GCSH: variants seen among roughly 807,000 people sequenced by gnomAD.
GCSH encodes the protein glycine cleavage system H protein, mitochondrial.
In GCSH, 15 loss-of-function variants were observed where a neutral mutation model predicts 21.3. The ratio of observed to expected loss-of-function variants is 0.70; its 90% confidence interval spans 0.47 to 1.08. The LOEUF (loss-of-function observed/expected upper bound fraction) is 1.08. GCSH is among the 50% of genes least tolerant of loss of function. GCSH has a pLI of 0.00. For missense variants in GCSH, 179 were observed against 217.5 expected (o/e 0.82, Z 1.11); for synonymous variants, 59 against 84.5 (o/e 0.70, Z 1.66).
chr16:81,091,108 C>A (rs891538938), intron 1 of GCSH: 6 of 451,684 alleles, frequency 1.3e-5, no homozygotes, highest in Middle Eastern at 3.8e-4. Context: ...ATGATTTAAC[C>A]TAAAAAAAAA....
intron 1 of GCSH, among the ~76,000 whole-genome samples, chr16:81,095,634 C>CCTCCCAAAGTGCTGGG (rs1972490007): frequency 8.5e-5 from 1 of 11,708 alleles, no homozygotes; most frequent in African/African-American, 1.5e-4. Flanking sequence ...CGCCCTCCGG[C>CCTCCCAAAGTGCTGGG]ATGAGCCAAC....
chr16:81,089,459 C>T (rs1972352809), intron 2 of GCSH, among the ~76,000 whole-genome samples: 1 of 152,124 alleles, frequency 6.6e-6, no homozygotes, highest in Admixed American at 6.6e-5. Flanking sequence ...TTACGATTGC[C>T]TACAGTATTC....
intron 4 of GCSH, chr16:81,083,309 G>T (rs370168731): frequency 9.4e-6 from 3 of 318,670 alleles, no homozygotes; most frequent in African/African-American, 4.4e-5. Context: ...CTTGAGGCTA[G>T]GAGCTCTAGA....
At chr16:81,090,566 C>A in intron 2 of GCSH, 35 bp downstream of exon 2, 1 of 1,342,664 alleles carries the variant, frequency 7.4e-7, no homozygotes, top group Non-Finnish European at 1.1e-6. Context: ...CATGCAAGAG[C>A]ACACTGGGAC....
chr16:81,095,506 C>T (rs1169263510), intron 1 of GCSH, among the ~76,000 whole-genome samples: 1 of 151,912 alleles, frequency 6.6e-6, no homozygotes, highest in East Asian at 1.9e-4. Context: ...CCTCAGCCTC[C>T]CGAGTAGCTG....
At chr16:81,086,505 C>CG in intron 3 of GCSH, among the ~76,000 whole-genome samples, 1 of 152,012 alleles carries the variant, frequency 6.6e-6, no homozygotes, top group East Asian at 1.9e-4. Flanking sequence ...TGCAGTGAGC[C>CG]AATGTCGCAC....
chr16:81,084,284 T>C, intron 4 of GCSH, 179 bp downstream of exon 4: 1 of 670,424 alleles, frequency 1.5e-6, no homozygotes, highest in Non-Finnish European at 2.7e-6. Context: ...TAGCCAGAAA[T>C]CTTAAACATA....
chr16:81,083,730 C>T (rs1367018548), intron 4 of GCSH: 1 of 152,302 alleles, frequency 6.6e-6, no homozygotes, highest in African/African-American at 2.4e-5. Context: ...CCTTTGGAGC[C>T]TCTATTCATC....
intron 1 of GCSH, chr16:81,091,130 T>C (rs916905697): frequency 8.9e-6 from 4 of 451,580 alleles, no homozygotes; most frequent in Admixed American, 2.4e-5. Flanking sequence ...ATAACAGTAA[T>C]AATCAGGTGC....
At chr16:81,095,101 G>GA (rs56957840) in intron 1 of GCSH, among the ~76,000 whole-genome samples, 6 of 144,884 alleles carry the variant, frequency 4.1e-5, no homozygotes, top group African/African-American at 1.0e-4. Context: ...TCAATAAAAA[G>GA]AAAAAAAAAA....
At chr16:81,095,705 C>G (rs1972491677) in intron 1 of GCSH, among the ~76,000 whole-genome samples, 1 of 152,168 alleles carries the variant, frequency 6.6e-6, no homozygotes, top group South Asian at 2.1e-4. Flanking sequence ...CTTCGGAGTT[C>G]TCAGTAACGG....
chr16:81,086,201 A>AAAAAAAAAAAAAAAAAC (rs1972272904), intron 3 of GCSH, among the ~76,000 whole-genome samples: 1 of 148,102 alleles, frequency 6.8e-6, no homozygotes, highest in African/African-American at 2.5e-5. Flanking sequence ...AAAAAAAAAA[A>AAAAAAAAAAAAAAAAAC]AAAAAAAAAA....
intron 1 of GCSH, 128 bp downstream of exon 1, chr16:81,096,003 C>G: frequency 6.7e-6 from 5 of 748,368 alleles, no homozygotes; most frequent in Non-Finnish European, 9.1e-6. Flanking sequence ...AAGAAGGGGG[C>G]AGGGTCCGCG....
chr16:81,095,185 T>A (rs929230322), intron 1 of GCSH, among the ~76,000 whole-genome samples: 5 of 151,960 alleles, frequency 3.3e-5, no homozygotes, highest in Non-Finnish European at 4.4e-5. Context: ...CATGGGCAGG[T>A]TTCCCAGTTA....
intron 3 of GCSH, among the ~76,000 whole-genome samples, chr16:81,087,031 A>C (rs1972294378): frequency 6.6e-6 from 1 of 152,190 alleles, no homozygotes; most frequent in Admixed American, 6.5e-5. Context: ...CATTAGTTTA[A>C]GGATATTATC....
intron 1 of GCSH, among the ~76,000 whole-genome samples, chr16:81,093,301 G>C (rs1170758443): frequency 6.6e-6 from 1 of 152,222 alleles, no homozygotes; most frequent in Middle Eastern, 3.4e-3. Flanking sequence ...CCTTTTCAAA[G>C]TAAGCACTGG....
At chr16:81,091,855 A>C (rs1555529858) in intron 1 of GCSH, among the ~76,000 whole-genome samples, 1 of 152,044 alleles carries the variant, frequency 6.6e-6, no homozygotes, top group Non-Finnish European at 1.5e-5. Context: ...TCCTGAGCTC[A>C]TGATCCTCCC....
intron 2 of GCSH, among the ~76,000 whole-genome samples, chr16:81,088,196 G>T (rs1972323081): frequency 6.6e-6 from 1 of 152,134 alleles, no homozygotes; most frequent in South Asian, 2.1e-4. Context: ...GGCAGAGGTG[G>T]GAGGATAGCT....
chr16:81,091,707 A>C (rs1418097778), intron 1 of GCSH, among the ~76,000 whole-genome samples: 1 of 152,202 alleles, frequency 6.6e-6, no homozygotes, highest in Non-Finnish European at 1.5e-5. Context: ...AAAGGATAGT[A>C]GTACTTAAAA....
Sources: gnomAD v4.1 joint callset for allele counts (sites outside exome capture counted in the v4.1 genomes callset) on GRCh38, gnomAD v4.1.1 for gene constraint, MANE v1.5 for transcripts, NCBI Gene and HGNC (gene_info 2026-07-23, HGNC 2026-07-21) for gene names.